Variants in TTLL4 observed in about 807,000 individuals in gnomAD.
TTLL4 encodes the protein tubulin tyrosine ligase like 4.
TTLL4 carries 85 observed loss-of-function variants against 122.7 expected under a neutral mutation model. The observed-to-expected ratio is 0.69, with a 90% CI of 0.58 to 0.83. The LOEUF is 0.83. Among genes scored for constraint, TTLL4 ranks in the 40% least tolerant of loss-of-function variants. The pLI is 0.00. For missense variants in TTLL4, 1,363 were observed against 1,488.6 expected (o/e 0.92, Z 1.39); for synonymous variants, 553 against 563.0 (o/e 0.98, Z 0.25).
intron 2 of TTLL4, among the ~76,000 whole-genome samples, chr2:218,731,263 T>C (rs1942374608): frequency 6.6e-6 from 1 of 151,906 alleles, no homozygotes; most frequent in Admixed American, 6.6e-5. Context: ...ATACAAAAAT[T>C]AGCCAGGCGT....
intron 4 of TTLL4, 87 bp downstream of exon 4, chr2:218,740,254 C>T (rs978047190): frequency 3.7e-5 from 47 of 1,266,356 alleles, no homozygotes; most frequent in African/African-American, 5.9e-5. Flanking sequence ...AGGTCCTTGA[C>T]TCACATTACC....
chr2:218,726,290 A>G (rs1293774726), intron 1 of TTLL4, among the ~76,000 whole-genome samples: 1 of 151,844 alleles, frequency 6.6e-6, no homozygotes, highest in Non-Finnish European at 1.5e-5. Context: ...GCTCCCTTAT[A>G]TGTATTTGCT....
intron 1 of TTLL4, among the ~76,000 whole-genome samples, chr2:218,720,492 T>C (rs1052930510): frequency 9.2e-5 from 14 of 152,056 alleles, no homozygotes; most frequent in African/African-American, 3.4e-4. Context: ...CTGGTCAGCA[T>C]GGTGAAACCC....
intron 2 of TTLL4, among the ~76,000 whole-genome samples, chr2:218,729,037 A>G (rs954105260): frequency 1.3e-5 from 2 of 149,546 alleles, no homozygotes; most frequent in African/African-American, 5.0e-5. Flanking sequence ...GGTTCAAGAG[A>G]TGCTCCTGCC....
chr2:218,716,298 T>C (rs914732214), intron 1 of TTLL4, among the ~76,000 whole-genome samples: 2 of 152,250 alleles, frequency 1.3e-5, no homozygotes, highest in African/African-American at 4.8e-5. Context: ...TAACTATTAC[T>C]TATGTGTCAT....
intron 1 of TTLL4, among the ~76,000 whole-genome samples, chr2:218,718,799 A>C (rs538295218): frequency 1.4e-4 from 22 of 152,206 alleles, no homozygotes; most frequent in Non-Finnish European, 3.1e-4. Flanking sequence ...CAAATGCTGC[A>C]TGAAGATGAC....
chr2:218,748,056 A>G (rs1392097347), intron 11 of TTLL4, 49 bp from the exon 12 acceptor site: 8 of 1,612,580 alleles, frequency 5.0e-6, no homozygotes, highest in Middle Eastern at 1.7e-4. Context: ...CCCCTTCTCC[A>G]TCTGCTCTGT....
Position 218,745,142 on chromosome 2 carries a change from C to T in TTLL4, c.1695C>T (p.Ser565=). The T allele has an allele frequency of 6.2e-7, 1 of 1,614,008 alleles. No homozygotes were observed. The highest frequency in any genetic ancestry group is 2.2e-5 in the East Asian group (1 of 44,878). Residue 565 remains serine (S), a synonymous_variant, in exon 6 of 20, where the codon TCC becomes TCT. Transcript: ENST00000392102. ...SCMEILTKPL[S]NHEKVVRPAL... ...TGGAAATTCTGACCAAACCCCTTTC[C>T]AATCATGAGAAAGTTGTCCGACCAG...
chr2:218,738,771 C>G lies in TTLL4; in HGVS notation c.1095C>G (p.Asn365Lys), dbSNP rs770323012. The G allele has an allele frequency of 4.3e-6, 7 of 1,614,032 alleles. No individual in the cohort carries two copies. The highest frequency in any genetic ancestry group is 2.7e-5 in the African/African-American group (2 of 74,912). ...GCQLEQSSFL[N>K]PSFQWNVLNR... ...AGCTTGAACAGTCTAGTTTCCTGAA[C>G]CCCAGCTTCCAGTGGAATGTCCTCA... The change falls in exon 3 of 20, where the codon AAC becomes AAG. Residue 365 changes from asparagine to lysine, a missense_variant. Physicochemically the swap from Asn to Lys is moderately conservative, Grantham distance 94 (BLOSUM62 0). Coordinates refer to ENST00000392102, the MANE Select transcript of TTLL4 (RefSeq NM_014640.5).
rs745712331 is a variant in TTLL4, at chr2:218,740,558, C to T, written c.1635C>T (p.Pro545=). ...SECSSLSAVS[P]SESVAMISRS... is the part of the protein sequence containing the mutation. ...GCTCCTCATTAAGTGCTGTCTCCCC[C>T]AGCGAATCGGTGGCCATGATCTCTA... Residue 545 remains proline (P), a synonymous_variant, in exon 5 of 20, where the codon CCC becomes CCT. Transcript: ENST00000392102. The T allele has an allele frequency of 1.4e-5, 22 of 1,614,060 alleles. No homozygotes were observed. The East Asian group carries it at 4.9e-4, about 36-fold the overall frequency.
At chr2:218,711,151 C>T (rs1383190626) in intron 1 of TTLL4, 114 bp downstream of exon 1, 1 of 152,500 alleles carries the variant, frequency 6.6e-6, no homozygotes, top group Non-Finnish European at 1.5e-5. Flanking sequence ...TCCGGCCACT[C>T]TCACCCTAGC....
At chr2:218,750,238 G>T in intron 15 of TTLL4, 92 bp downstream of exon 15, 2 of 1,511,184 alleles carry the variant, frequency 1.3e-6, no homozygotes, top group Middle Eastern at 2.4e-4. Flanking sequence ...GCTCCCTTCT[G>T]CCAGGTTCCC....
chr2:218,750,151 G>A lies in TTLL4; in HGVS notation c.2873+5G>A, dbSNP rs1559374471. ...CTGCAGCAGCTCCACCACCAGGTGA[G>A]GCCCCTATTTCTTCACAGCTCTGCT... On this transcript the variant is annotated splice_donor_5th_base_variant and intron_variant, in intron 15 of 19. Coordinates refer to ENST00000392102, the MANE Select transcript of TTLL4 (RefSeq NM_014640.5). The A allele has an allele frequency of 4.3e-6, 7 of 1,613,330 alleles. 1 individual carries two copies. Among genetic ancestry groups the A allele is most frequent in the South Asian group, 3.3e-5 (3 of 91,022 alleles).
rs745812543 is a variant in TTLL4, at chr2:218,755,251, C to G, written c.*862C>G. 6.6e-6 allele frequency: 1 copy of G among 152,154 alleles called. No homozygotes were observed. The highest frequency in any genetic ancestry group is 1.5e-5 in the Non-Finnish European group (1 of 68,078). 9.4% of individuals were successfully genotyped at this position (152,154 alleles called of 1,614,324 possible). On this transcript the variant is annotated 3_prime_UTR_variant, in exon 20 of 20. Coordinates refer to ENST00000392102, the MANE Select transcript of TTLL4 (RefSeq NM_014640.5). ...CTATAGTGCAACAAACATGGTTTCT[C>G]AATGTTCTGCTGTGCAGCAAGCAGG...
At position 218,748,238 on chromosome 2, in the gene TTLL4, C is replaced by T. The variant is rs949860543; in HGVS notation, c.2501+11C>T. On this transcript the variant is annotated intron_variant, in intron 12 of 19. Transcript: ENST00000392102. The stretch of plus-strand genomic sequence containing the variant: ...CCAGGGCCACAAATGGTACTGAGGG[C>T]AGAGTGTCCCAGTCCAGTGAAGGCC... 2 of 1,613,870 alleles carry T rather than the reference C, an allele frequency of 1.2e-6. No homozygotes were observed. The highest frequency in any genetic ancestry group is 1.7e-6 in the Non-Finnish European group (2 of 1,179,908).
intron 2 of TTLL4, among the ~76,000 whole-genome samples, chr2:218,731,641 T>C (rs1293239147): frequency 6.6e-6 from 1 of 152,210 alleles, no homozygotes; most frequent in Admixed American, 6.5e-5. Flanking sequence ...TGGGAGCCAC[T>C]GTGCTTTTTG....
intron 1 of TTLL4, among the ~76,000 whole-genome samples, chr2:218,723,114 G>A (rs1168753273): frequency 1.3e-5 from 2 of 152,230 alleles, no homozygotes; most frequent in African/African-American, 4.8e-5. Flanking sequence ...GCATGACTTG[G>A]TTAGAATCTG....
intron 1 of TTLL4, among the ~76,000 whole-genome samples, chr2:218,720,712 G>T (rs1416275501): frequency 2.0e-5 from 3 of 151,966 alleles, no homozygotes; most frequent in Non-Finnish European, 1.5e-5. Context: ...CATAATTGGG[G>T]TGTGCCCCTG....
intron 2 of TTLL4, among the ~76,000 whole-genome samples, chr2:218,732,351 C>T (rs1482158959): frequency 1.3e-5 from 2 of 152,136 alleles, no homozygotes; most frequent in Non-Finnish European, 2.9e-5. Flanking sequence ...TCCTAAAATA[C>T]TTCCTGGGAG....
Sources: allele counts gnomAD v4.1 joint callset (sites outside exome capture counted in the v4.1 genomes callset), GRCh38; gene constraint gnomAD v4.1.1; transcripts MANE v1.5; gene names NCBI Gene and HGNC (gene_info 2026-07-23, HGNC 2026-07-21).